The following SGCZ variants were observed in gnomAD, a reference collection of about 807,000 sequenced individuals.
SGCZ encodes the protein sarcoglycan zeta.
SGCZ carries 40 observed loss-of-function variants against 41.3 expected under a neutral mutation model. The ratio of observed to expected loss-of-function variants is 0.97; its 90% CI spans 0.75 to 1.26. The LOEUF (loss-of-function observed/expected upper bound fraction) is 1.26, where lower values mean the gene tolerates loss of function less well. SGCZ is among the 50% of genes most tolerant of loss of function. The probability of loss-of-function intolerance (pLI) is 0.00; values close to 1 mark genes in which losing one functional copy is unlikely to be tolerated. For missense variants in SGCZ, 552 were observed against 369.8 expected (o/e 1.49, Z -4.04); for synonymous variants, 206 against 137.5 (o/e 1.50, Z -3.49).
chr8:15,126,047 A>G (rs268438), intron 1 of SGCZ, among the ~76,000 whole-genome samples: 134,669 of 152,170 alleles, frequency 0.88, 59,811 homozygotes, highest in Non-Finnish European at 0.92. Context: ...TCGGGAGGCC[A>G]AGGCAGGAAA....
chr8:14,368,273 C>T (rs1354700762), intron 2 of SGCZ, among the ~76,000 whole-genome samples: 1 of 151,858 alleles, frequency 6.6e-6, no homozygotes, highest in African/African-American at 2.4e-5. Flanking sequence ...GTTCTAACTG[C>T]ATTTCATTAA....
chr8:14,895,550 A>G (rs965539192), intron 1 of SGCZ, among the ~76,000 whole-genome samples: 1 of 152,202 alleles, frequency 6.6e-6, no homozygotes, highest in African/African-American at 2.4e-5. Context: ...AAGGACTGAT[A>G]GAAAACCTTA....
chr8:14,488,301 T>C (rs901140641), intron 2 of SGCZ, among the ~76,000 whole-genome samples: 2 of 152,254 alleles, frequency 1.3e-5, no homozygotes, highest in Non-Finnish European at 2.9e-5. Flanking sequence ...TATTGTATTA[T>C]GGATAAAAGT....
Position 15,066,315 on chromosome 8 carries a change from CAAAAA to C in SGCZ, c.39+171265_39+171269del, listed in dbSNP as rs34127345. On this transcript the variant is annotated intron_variant, in intron 1 of 7. Transcript: ENST00000382080. Reference sequence around the variant, plus strand: ...GGGCGACAGAGCGAGACTCCGTCTCCAAAAAAAAAAAAAAAAAAAGAAGTCCACCT... The same window carrying C: ...GGGCGACAGAGCGAGACTCCGTCTCCAAAAAAAAAAAAAAGAAGTCCACCT... Among the ~76,000 whole-genome samples the C allele has an allele frequency of 1.2e-4, 13 of 106,916 alleles. No individual in the cohort carries two copies. The South Asian group carries it at 2.9e-3, about 24-fold the overall frequency. 70.1% of individuals were successfully genotyped at this position (106,916 alleles called of 152,430 possible). A position where few individuals can be genotyped will look rare whatever the true frequency, so the allele number is the denominator to read the frequency against.
At chr8:14,495,450 T>C (rs752176775) in intron 2 of SGCZ, among the ~76,000 whole-genome samples, 1 of 152,160 alleles carries the variant, frequency 6.6e-6, no homozygotes, top group Non-Finnish European at 1.5e-5. Context: ...CAAATAGAAT[T>C]ATTTGACAGT....
chr8:14,707,836 T>A (rs1400930675), intron 1 of SGCZ, among the ~76,000 whole-genome samples: 1 of 152,166 alleles, frequency 6.6e-6, no homozygotes, highest in Non-Finnish European at 1.5e-5. Context: ...TTGACACAAT[T>A]GAGTTTAACT....
chr8:15,165,203 C>T (rs1467333270), intron 1 of SGCZ, among the ~76,000 whole-genome samples: 1 of 152,056 alleles, frequency 6.6e-6, no homozygotes, highest in Non-Finnish European at 1.5e-5. Context: ...GGCAGAAATG[C>T]ATGAACCCGG....
chr8:15,168,597 T>A (rs949407414), intron 1 of SGCZ, among the ~76,000 whole-genome samples: 3 of 152,110 alleles, frequency 2.0e-5, no homozygotes, highest in African/African-American at 7.2e-5. Flanking sequence ...CTCCATCACT[T>A]ACCCCCGGTA....
intron 1 of SGCZ, among the ~76,000 whole-genome samples, chr8:15,010,987 G>T (rs1802807378): frequency 6.6e-6 from 1 of 152,190 alleles, no homozygotes; most frequent in African/African-American, 2.4e-5. Flanking sequence ...CATCTATTGT[G>T]CAGGTATGTT....
intron 1 of SGCZ, among the ~76,000 whole-genome samples, chr8:14,729,890 GCC>G (rs747449541): frequency 4.6e-5 from 7 of 152,140 alleles, no homozygotes; most frequent in Non-Finnish European, 1.0e-4. Flanking sequence ...TTCAGGACCA[GCC>G]TGGCCAACAT....
At chr8:14,379,994 A>T (rs888491866) in intron 2 of SGCZ, among the ~76,000 whole-genome samples, 3 of 152,120 alleles carry the variant, frequency 2.0e-5, no homozygotes, top group African/African-American at 4.8e-5. Context: ...CGGCCTCCGA[A>T]GTGCTGGGAT....
chr8:14,378,142 A>G (rs1459715283), intron 2 of SGCZ, among the ~76,000 whole-genome samples: 3 of 150,326 alleles, frequency 2.0e-5, no homozygotes, highest in East Asian at 3.9e-4. Flanking sequence ...TTACAGTCCC[A>G]CCAACAGTGT....
chr8:14,109,572 A>G (rs529011737), intron 5 of SGCZ, among the ~76,000 whole-genome samples: 1 of 152,328 alleles, frequency 6.6e-6, no homozygotes, highest in Admixed American at 6.5e-5. Flanking sequence ...ATGTATTTGA[A>G]GCATACAAAA....
intron 1 of SGCZ, among the ~76,000 whole-genome samples, chr8:14,576,035 C>G (rs1417283084): frequency 6.6e-6 from 1 of 151,534 alleles, no homozygotes; most frequent in African/African-American, 2.4e-5. Flanking sequence ...AATACTGTAC[C>G]AACATCCTCA....
chr8:14,146,871 C>CAAAA (rs66592259), intron 5 of SGCZ, among the ~76,000 whole-genome samples: 2 of 74,884 alleles, frequency 2.7e-5, no homozygotes, highest in African/African-American at 1.1e-4. Context: ...GACTCCGTCT[C>CAAAA]AAAAAATAAA....
Position 14,551,524 on chromosome 8 carries a change from A to C in SGCZ, c.234+3208T>G, listed in dbSNP as rs868721554. On this transcript the variant is annotated intron_variant, in intron 2 of 7. Coordinates refer to ENST00000382080, the MANE Select transcript of SGCZ (RefSeq NM_139167.4). ...TATATATATTATATATATTATATAT[A>C]ATATATATAATATATATAATATATA... is the stretch of plus-strand genomic sequence containing the variant. 4.0e-4 allele frequency among the ~76,000 whole-genome samples: 4 copies of C among 9,926 alleles called. 2 individuals carry two copies. Among genetic ancestry groups the C allele is most frequent in the Non-Finnish European group, 6.3e-4 (4 of 6,380 alleles). 6.5% of individuals were successfully genotyped at this position (9,926 alleles called of 152,430 possible).
intron 2 of SGCZ, among the ~76,000 whole-genome samples, chr8:14,329,930 A>C (rs1189174794): frequency 6.6e-6 from 1 of 151,958 alleles, no homozygotes; most frequent in Non-Finnish European, 1.5e-5. Flanking sequence ...TTTGTTTTTC[A>C]GAACAGCTCC....
At chr8:14,622,809 G>C (rs946778155) in intron 1 of SGCZ, among the ~76,000 whole-genome samples, 6 of 152,116 alleles carry the variant, frequency 3.9e-5, no homozygotes, top group Non-Finnish European at 7.3e-5. Flanking sequence ...GTTATTAGTG[G>C]CTTCCAGTTA....
chr8:14,261,162 C>T (rs1799653118), intron 3 of SGCZ, among the ~76,000 whole-genome samples: 1 of 152,104 alleles, frequency 6.6e-6, no homozygotes, highest in Admixed American at 6.6e-5. Flanking sequence ...AATTCTCAAA[C>T]CACTGGATAT....
Sources: allele counts gnomAD v4.1 joint callset (sites outside exome capture counted in the v4.1 genomes callset), GRCh38; gene constraint gnomAD v4.1.1; transcripts MANE v1.5; gene names NCBI Gene and HGNC (gene_info 2026-07-23, HGNC 2026-07-21).